Variants in ARHGEF33 observed in about 807,000 individuals in gnomAD.
The protein encoded by ARHGEF33 is DH and coiled-coil domain-containing protein ENSP00000381780.
Under a neutral mutation model 101.9 loss-of-function variants are expected in ARHGEF33, and 72 were observed. The observed-to-expected ratio is 0.71, with a 90% CI of 0.58 to 0.86. ARHGEF33 has a LOEUF of 0.86. Ranked by LOEUF, ARHGEF33 falls within the 40% of genes least tolerant of loss-of-function variation. ARHGEF33 has a pLI of 0.00. For missense variants in ARHGEF33, 1,169 were observed against 1,111.3 expected (o/e 1.05, Z -0.74); for synonymous variants, 499 against 442.5 (o/e 1.13, Z -1.60).
At chr2:38,912,775 C>G (rs1868867) in intron 2 of ARHGEF33, among the ~76,000 whole-genome samples, 79,076 of 151,906 alleles carry the variant, frequency 0.52, 22,108 homozygotes, top group East Asian at 0.8. Context: ...TGGACCTGCC[C>G]GAATTACAAT....
At chr2:38,936,443 G>C (rs141225345) in intron 8 of ARHGEF33, among the ~76,000 whole-genome samples, 53 of 152,202 alleles carry the variant, frequency 3.5e-4, no homozygotes, top group Middle Eastern at 3.4e-3. Context: ...CCAGCATCTG[G>C]TGTGCTCACC....
At position 38,975,389 on chromosome 2, in the gene ARHGEF33, C is replaced by T. The variant is rs1418105014; in HGVS notation, c.*1546C>T. The T allele has an allele frequency of 6.6e-6, 1 of 152,182 alleles. No homozygotes were observed. The highest frequency in any genetic ancestry group is 6.5e-5 in the Admixed American group (1 of 15,280). 9.4% of individuals were successfully genotyped at this position (152,182 alleles called of 1,614,324 possible). A position where few individuals can be genotyped will look rare whatever the true frequency, so the allele number is the denominator to read the frequency against. ...GCTTGCAAGCACAACGCCAAATCGA[C>T]TGGACGTGGAAAGTGAAATACTACA... is the stretch of plus-strand genomic sequence containing the variant. On this transcript the variant is annotated 3_prime_UTR_variant, in exon 18 of 18. Coordinates refer to ENST00000409978, the MANE Select transcript of ARHGEF33 (RefSeq NM_001145451.5).
At chr2:38,932,020 A>G (rs919658644) in intron 7 of ARHGEF33, among the ~76,000 whole-genome samples, 3 of 152,218 alleles carry the variant, frequency 2.0e-5, no homozygotes, top group Admixed American at 1.3e-4. Context: ...AGGTTTATAT[A>G]CTCATAGACA....
At chr2:38,924,510 A>G (rs1007017782) in intron 4 of ARHGEF33, among the ~76,000 whole-genome samples, 2 of 152,186 alleles carry the variant, frequency 1.3e-5, no homozygotes, top group African/African-American at 4.8e-5. Flanking sequence ...TGCACAATTT[A>G]GTGCTAGCCC....
chr2:38,931,329 C>T, intron 7 of ARHGEF33, 78 bp downstream of exon 7: 1 of 1,281,086 alleles, frequency 7.8e-7, no homozygotes, highest in Non-Finnish European at 1.1e-6. Context: ...CTTAAACCCT[C>T]CATCTTTGTT....
At chr2:38,947,212 A>G (rs1289543315) in intron 10 of ARHGEF33, among the ~76,000 whole-genome samples, 2 of 152,188 alleles carry the variant, frequency 1.3e-5, no homozygotes, top group Admixed American at 1.3e-4. Flanking sequence ...AGGTGGCCAC[A>G]TCTTCTCCAA....
intron 9 of ARHGEF33, among the ~76,000 whole-genome samples, chr2:38,942,307 C>T (rs1223315181): frequency 1.3e-5 from 2 of 151,400 alleles, no homozygotes; most frequent in African/African-American, 4.9e-5. Flanking sequence ...AGCTGGACGA[C>T]AGGTGCACAC....
intron 17 of ARHGEF33, among the ~76,000 whole-genome samples, chr2:38,968,269 C>G (rs1668094773): frequency 6.6e-6 from 1 of 152,076 alleles, no homozygotes; most frequent in South Asian, 2.1e-4. Context: ...TGGGATGCCT[C>G]TGGTCAGGGA....
chr2:38,904,830 T>C lies in ARHGEF33; in HGVS notation c.-86+8981T>C, dbSNP rs1666352708. ...AACAATCTACTGGCAGTGAAGAGGATGGATGAACTAACTAGGATGCTCCTA... is the reference window on the plus strand; with the variant it reads ...AACAATCTACTGGCAGTGAAGAGGACGGATGAACTAACTAGGATGCTCCTA... On this transcript the variant is annotated intron_variant, in intron 2 of 17. Coordinates refer to ENST00000409978, the MANE Select transcript of ARHGEF33 (RefSeq NM_001145451.5). Among the ~76,000 whole-genome samples the C allele has an allele frequency of 2.0e-5, 3 of 151,858 alleles. No individual in the cohort carries two copies. The South Asian group carries it at 6.2e-4, about 32-fold the overall frequency.
intron 1 of ARHGEF33, among the ~76,000 whole-genome samples, chr2:38,890,477 T>C (rs3099953): frequency 0.9 from 136,832 of 152,210 alleles, 63,372 homozygotes; most frequent in Non-Finnish European, 1. Context: ...ACAAAAAACA[T>C]ATCCTGATTG....
rs1668221582 is a variant in ARHGEF33, at chr2:38,973,934, A to ATC, written c.*92_*93insCT. On this transcript the variant is annotated 3_prime_UTR_variant, in exon 18 of 18. Transcript: ENST00000409978. ...GGAATATATATATATATCTATATCTATATATATATATATATCGATGTATAA... is the reference window on the plus strand; with the variant it reads ...GGAATATATATATATATCTATATCTATCTATATATATATATATCGATGTATAA... The ATC allele has an allele frequency of 1.9e-5, 7 of 372,942 alleles. 1 individual carries two copies. In the South Asian group the frequency reaches 7.7e-4, roughly 41 times the overall value. 23.1% of individuals were successfully genotyped at this position (372,942 alleles called of 1,614,324 possible).
At chr2:38,917,118 G>C (rs371619188) in intron 2 of ARHGEF33, among the ~76,000 whole-genome samples, 16 of 14,700 alleles carry the variant, frequency 1.1e-3, no homozygotes, top group African/African-American at 3.0e-3. Context: ...TTGAGACGGA[G>C]TCTCACTACG....
chr2:38,925,821 G>A (rs1315535515), intron 4 of ARHGEF33, among the ~76,000 whole-genome samples: 2 of 152,124 alleles, frequency 1.3e-5, no homozygotes, highest in Non-Finnish European at 2.9e-5. Flanking sequence ...AGGTTCCCAA[G>A]GTACAGGTCC....
chr2:38,913,512 C>T (rs538440841), intron 2 of ARHGEF33, among the ~76,000 whole-genome samples: 6 of 152,232 alleles, frequency 3.9e-5, no homozygotes, highest in South Asian at 2.1e-4. Flanking sequence ...AGGTGGCTCA[C>T]GCCTGTAATC....
At chr2:38,947,861 C>G (rs1419026567) in intron 10 of ARHGEF33, among the ~76,000 whole-genome samples, 1 of 152,104 alleles carries the variant, frequency 6.6e-6, no homozygotes, top group Non-Finnish European at 1.5e-5. Context: ...AATGATCATG[C>G]CCATCCAGGG....
At chr2:38,943,552 G>A (rs911215632) in intron 9 of ARHGEF33, among the ~76,000 whole-genome samples, 2 of 152,200 alleles carry the variant, frequency 1.3e-5, no homozygotes, top group Admixed American at 6.5e-5. Context: ...TGGGGGGTGA[G>A]GATCTGGAGG....
chr2:38,896,051 T>C (rs1289672248), intron 2 of ARHGEF33, among the ~76,000 whole-genome samples: 1 of 152,232 alleles, frequency 6.6e-6, no homozygotes, highest in Non-Finnish European at 1.5e-5. Flanking sequence ...ATAGCCACCT[T>C]CTAAACCAGC....
At position 38,929,301 on chromosome 2, in the gene ARHGEF33, C is replaced by T. The variant is rs529583248; in HGVS notation, c.240+230C>T. Among the ~76,000 whole-genome samples the T allele has an allele frequency of 5.3e-5, 8 of 152,092 alleles. No homozygotes were observed. The South Asian group carries it at 6.2e-4, about 12-fold the overall frequency. On this transcript the variant is annotated intron_variant, in intron 5 of 17. Coordinates refer to ENST00000409978, the MANE Select transcript of ARHGEF33 (RefSeq NM_001145451.5). Reference sequence around the variant, plus strand: ...AAAATTAGCCGGGTGTGGTGGCAGGCGCCTGTAGTCCCAGCTACTCGGGAG... The same window carrying T: ...AAAATTAGCCGGGTGTGGTGGCAGGTGCCTGTAGTCCCAGCTACTCGGGAG...
chr2:38,957,766 C>A, intron 14 of ARHGEF33: 1 of 392,590 alleles, frequency 2.5e-6, no homozygotes, highest in South Asian at 4.4e-5. Context: ...ATGCTGTCTC[C>A]CAAGCCAGGG....
Sources: gnomAD v4.1 joint callset for allele counts (sites outside exome capture counted in the v4.1 genomes callset) on GRCh38, gnomAD v4.1.1 for gene constraint, MANE v1.5 for transcripts, NCBI Gene and HGNC (gene_info 2026-07-23, HGNC 2026-07-21) for gene names.